GPC6: variants seen among roughly 807,000 people sequenced by gnomAD.
The protein encoded by GPC6 is glypican 6.
GPC6 carries 14 observed loss-of-function variants against 55.2 expected under a neutral mutation model. That is an observed-to-expected ratio of 0.25 (90% CI 0.17 to 0.40). GPC6 has a LOEUF of 0.40. GPC6 is among the 10% of genes least tolerant of loss of function. The probability of loss-of-function intolerance (pLI) is 1.00; values close to 1 mark genes in which losing one functional copy is unlikely to be tolerated. For synonymous variants in GPC6, 278 were observed against 259.6 expected (o/e 1.07, Z -0.68); for missense variants, 641 against 708.5 (o/e 0.90, Z 1.08).
intron 4 of GPC6, among the ~76,000 whole-genome samples, chr13:94,044,908 G>A (rs1168904354): frequency 2.0e-5 from 3 of 151,064 alleles, no homozygotes; most frequent in Non-Finnish European, 3.0e-5. Flanking sequence ...TTTTTTTAAC[G>A]TGCCGTATCA....
At chr13:93,845,054 A>G (rs963805027) in intron 3 of GPC6, among the ~76,000 whole-genome samples, 1 of 151,844 alleles carries the variant, frequency 6.6e-6, no homozygotes, top group Admixed American at 6.6e-5. Flanking sequence ...GTAGCCTTGT[A>G]GTATAGTTTG....
intron 1 of GPC6, among the ~76,000 whole-genome samples, chr13:93,238,803 A>G (rs188118606): frequency 1.2e-4 from 19 of 152,010 alleles, no homozygotes; most frequent in African/African-American, 4.6e-4. Context: ...TCATGAAGTG[A>G]TGCTGAATTT....
intron 2 of GPC6, among the ~76,000 whole-genome samples, chr13:93,624,830 A>G (rs1045748788): frequency 3.3e-5 from 5 of 152,246 alleles, no homozygotes; most frequent in Admixed American, 1.3e-4. Flanking sequence ...GTATAAGAGA[A>G]GATAAACCTA....
chr13:94,015,173 A>G (rs765352632), intron 3 of GPC6, among the ~76,000 whole-genome samples: 5 of 152,152 alleles, frequency 3.3e-5, no homozygotes, highest in Non-Finnish European at 5.9e-5. Context: ...AAATGTTTCA[A>G]TGTCTTCACA....
chr13:93,237,879 G>C (rs1438933648), intron 1 of GPC6, among the ~76,000 whole-genome samples: 1 of 151,956 alleles, frequency 6.6e-6, no homozygotes, highest in Non-Finnish European at 1.5e-5. Flanking sequence ...TGGTTGTAGG[G>C]ATTAGGCTTT....
intron 3 of GPC6, among the ~76,000 whole-genome samples, chr13:93,977,407 GAAGTGTGTGCTGT>G (rs1880567124): frequency 6.6e-6 from 1 of 150,888 alleles, no homozygotes; most frequent in South Asian, 2.1e-4. Context: ...TAAATGTTCA[GAAGTGTGTGCTGT>G]TATTCCAAGC....
At chr13:94,383,782 A>T (rs1296417650) in intron 7 of GPC6, among the ~76,000 whole-genome samples, 4 of 152,172 alleles carry the variant, frequency 2.6e-5, no homozygotes, top group Non-Finnish European at 5.9e-5. Flanking sequence ...TATAAAGGAA[A>T]GAGGCTTGAT....
chr13:93,959,948 G>A (rs1006289090), intron 3 of GPC6, among the ~76,000 whole-genome samples: 9 of 152,130 alleles, frequency 5.9e-5, no homozygotes, highest in African/African-American at 2.2e-4. Flanking sequence ...AAAGCCTTGT[G>A]TGTTACAGAT....
chr13:93,488,744 A>AT (rs1468179862), intron 1 of GPC6, among the ~76,000 whole-genome samples: 1 of 151,858 alleles, frequency 6.6e-6, no homozygotes, highest in African/African-American at 2.4e-5. Context: ...TTTTTCATGT[A>AT]TTTTTTGGCT....
intron 4 of GPC6, among the ~76,000 whole-genome samples, chr13:94,041,789 A>G (rs781065103): frequency 2.0e-5 from 3 of 151,910 alleles, no homozygotes; most frequent in Non-Finnish European, 4.4e-5. Context: ...ACCAATTGTT[A>G]TTCTTTATTC....
intron 1 of GPC6, among the ~76,000 whole-genome samples, chr13:93,421,441 T>C (rs1876920045): frequency 2.0e-5 from 3 of 152,194 alleles, no homozygotes; most frequent in Admixed American, 1.3e-4. Context: ...ATGATAATTG[T>C]CAGGAATTGA....
intron 6 of GPC6, among the ~76,000 whole-genome samples, chr13:94,307,176 A>G (rs1043942716): frequency 2.6e-5 from 4 of 152,362 alleles, no homozygotes; most frequent in African/African-American, 9.6e-5. Flanking sequence ...CTAAAGGCCT[A>G]TCCATGAAGT....
chr13:93,905,078 T>TC lies in GPC6; in HGVS notation c.711+74533_711+74534insC, dbSNP rs1491439712. On this transcript the variant is annotated intron_variant, in intron 3 of 8. Coordinates refer to ENST00000377047, the MANE Select transcript of GPC6 (RefSeq NM_005708.5). Reference sequence around the variant, plus strand: ...TGTTAGCTTTTCTAAGCATTCTCTCTTTTTTTTTTTTTTTTGAAAGGGGGT... The same window carrying TC: ...TGTTAGCTTTTCTAAGCATTCTCTCTCTTTTTTTTTTTTTTTGAAAGGGGGT... Among the ~76,000 whole-genome samples, 37 of 25,404 alleles carry TC rather than the reference T, an allele frequency of 1.5e-3. No homozygotes were observed. In the East Asian group the frequency reaches 0.06, roughly 41 times the overall value. The allele number at this position is 25,404 out of a possible 152,430, so 16.7% of individuals were successfully genotyped here. A position where few individuals can be genotyped will look rare whatever the true frequency, so the allele number is the denominator to read the frequency against.
chr13:93,751,017 GC>G (rs1376674087), intron 2 of GPC6, among the ~76,000 whole-genome samples: 2 of 152,100 alleles, frequency 1.3e-5, no homozygotes, highest in Non-Finnish European at 2.9e-5. Flanking sequence ...CAAGCAGAAA[GC>G]CTACTTAATT....
At chr13:94,283,160 A>G (rs1211877854) in intron 4 of GPC6, among the ~76,000 whole-genome samples, 1 of 152,172 alleles carries the variant, frequency 6.6e-6, no homozygotes, top group Non-Finnish European at 1.5e-5. Flanking sequence ...TATCTTACAA[A>G]TTGGTCCTTT....
chr13:93,890,999 A>G (rs1411876908), intron 3 of GPC6, among the ~76,000 whole-genome samples: 1 of 152,146 alleles, frequency 6.6e-6, no homozygotes, highest in African/African-American at 2.4e-5. Flanking sequence ...GTCAAAAGAT[A>G]TAAAGAGGAG....
intron 3 of GPC6, among the ~76,000 whole-genome samples, chr13:93,877,449 A>G (rs1443930566): frequency 6.6e-6 from 1 of 151,926 alleles, no homozygotes; most frequent in Non-Finnish European, 1.5e-5. Context: ...TAATTAAAAA[A>G]TATAACACAC....
chr13:93,703,721 A>C (rs1471468869), intron 2 of GPC6, among the ~76,000 whole-genome samples: 2 of 152,014 alleles, frequency 1.3e-5, no homozygotes, highest in African/African-American at 4.8e-5. Context: ...TAGCACTTTT[A>C]GAACTATCTA....
intron 3 of GPC6, among the ~76,000 whole-genome samples, chr13:93,902,804 CA>C (rs1876432322): frequency 6.6e-6 from 1 of 152,128 alleles, no homozygotes; most frequent in Admixed American, 6.6e-5. Flanking sequence ...CGCATTTTTT[CA>C]TAAAACTGTT....
Sources: gnomAD v4.1 joint callset for allele counts (sites outside exome capture counted in the v4.1 genomes callset) on GRCh38, gnomAD v4.1.1 for gene constraint, MANE v1.5 for transcripts, NCBI Gene and HGNC (gene_info 2026-07-23, HGNC 2026-07-21) for gene names.